NELL1: variants seen among roughly 807,000 people sequenced by gnomAD.
NELL1 encodes the protein protein kinase C-binding protein NELL1.
NELL1 carries 76 observed loss-of-function variants against 107.4 expected under a neutral mutation model. The observed-to-expected ratio is 0.71, with a 90% CI of 0.59 to 0.86. The LOEUF (loss-of-function observed/expected upper bound fraction) is 0.86. Ranked by LOEUF, NELL1 falls within the 40% of genes least tolerant of loss-of-function variation. The probability of loss-of-function intolerance (pLI) is 0.00; values close to 1 mark genes in which losing one functional copy is unlikely to be tolerated. For missense variants in NELL1, 1,024 were observed against 1,005.5 expected (o/e 1.02, Z -0.25); for synonymous variants, 353 against 341.2 (o/e 1.03, Z -0.38).
chr11:20,773,274 G>A (rs1353454811), intron 2 of NELL1, among the ~76,000 whole-genome samples: 1 of 152,112 alleles, frequency 6.6e-6, no homozygotes, highest in African/African-American at 2.4e-5. Context: ...ACAGGACCCA[G>A]GGCCTGTCCT....
intron 2 of NELL1, among the ~76,000 whole-genome samples, chr11:20,688,942 C>T (rs938235700): frequency 3.3e-5 from 5 of 152,076 alleles, no homozygotes; most frequent in South Asian, 2.1e-4. Flanking sequence ...TGTATTTTGA[C>T]TCTTTAGTAA....
rs79279186 is a variant in NELL1, at chr11:21,438,256, A to G, written c.1645+67308A>G. ...TTTACTGGTGCAGTATTCTTACATG[A>G]CAGTTTTTTTGTTTGTTTGTTTCTT... On this transcript the variant is annotated intron_variant, in intron 15 of 19. Coordinates refer to ENST00000357134, the MANE Select transcript of NELL1 (RefSeq NM_006157.5). Among the ~76,000 whole-genome samples, 2,745 of 125,138 alleles carry G rather than the reference A, an allele frequency of 0.022. 209 individuals are homozygous for G. In the East Asian group the frequency reaches 0.29, roughly 13 times the overall value. The allele number at this position is 125,138 out of a possible 152,430, so 82.1% of individuals were successfully genotyped here.
intron 4 of NELL1, among the ~76,000 whole-genome samples, chr11:20,877,476 T>C (rs554469542): frequency 2.4e-4 from 36 of 152,380 alleles, no homozygotes; most frequent in African/African-American, 8.4e-4. Context: ...ATAAGTAGTG[T>C]TGTTGAACCA....
At chr11:20,808,693 A>G (rs1379187268) in intron 3 of NELL1, among the ~76,000 whole-genome samples, 2 of 152,182 alleles carry the variant, frequency 1.3e-5, no homozygotes, top group African/African-American at 4.8e-5. Context: ...GATTCTGACC[A>G]TTGGGATTGG....
intron 13 of NELL1, among the ~76,000 whole-genome samples, chr11:21,137,597 G>A (rs903390837): frequency 6.6e-6 from 1 of 152,208 alleles, no homozygotes; most frequent in Non-Finnish European, 1.5e-5. Flanking sequence ...AAAACCTGAT[G>A]AAGACAGCAA....
At chr11:20,871,675 G>T (rs900594781) in intron 4 of NELL1, among the ~76,000 whole-genome samples, 1 of 151,642 alleles carries the variant, frequency 6.6e-6, no homozygotes, top group Non-Finnish European at 1.5e-5. Flanking sequence ...AAACTGTCCT[G>T]CAGAGGAAAA....
chr11:21,152,800 G>A (rs535492935), intron 13 of NELL1, among the ~76,000 whole-genome samples: 314 of 152,208 alleles, frequency 2.1e-3, no homozygotes, highest in African/African-American at 7.1e-3. Context: ...TCAGGATGGA[G>A]ATACTTCATC....
intron 13 of NELL1, among the ~76,000 whole-genome samples, chr11:21,214,847 G>A (rs1287131833): frequency 6.6e-6 from 1 of 152,128 alleles, no homozygotes; most frequent in African/African-American, 2.4e-5. Flanking sequence ...TGTGTTGGTG[G>A]TTTTGTGAAT....
At chr11:21,066,674 G>C (rs900584079) in intron 12 of NELL1, among the ~76,000 whole-genome samples, 5 of 152,162 alleles carry the variant, frequency 3.3e-5, no homozygotes, top group Admixed American at 3.3e-4. Flanking sequence ...TCCAGGTCCA[G>C]TGTGGTGGCT....
chr11:20,760,136 G>T (rs998733703), intron 2 of NELL1, among the ~76,000 whole-genome samples: 7 of 152,202 alleles, frequency 4.6e-5, no homozygotes, highest in African/African-American at 1.7e-4. Context: ...GGGTTGGGAG[G>T]TAGGTTGCTT....
intron 14 of NELL1, among the ~76,000 whole-genome samples, chr11:21,255,296 T>C (rs1299074460): frequency 6.6e-6 from 1 of 152,040 alleles, no homozygotes; most frequent in Non-Finnish European, 1.5e-5. Flanking sequence ...AATTTCTGTT[T>C]CCCAGGAAAG....
chr11:21,464,081 G>C (rs1231273911), intron 15 of NELL1, among the ~76,000 whole-genome samples: 1 of 152,034 alleles, frequency 6.6e-6, no homozygotes, highest in African/African-American at 2.4e-5. Context: ...AAATTCAAAT[G>C]TTCCAGTGAA....
At chr11:21,569,428 A>G (rs574313337) in intron 17 of NELL1, among the ~76,000 whole-genome samples, 3 of 151,764 alleles carry the variant, frequency 2.0e-5, no homozygotes, top group African/African-American at 7.2e-5. Flanking sequence ...TGCATGACAC[A>G]AGATAAGTAT....
Position 20,686,953 on chromosome 11 carries a change from A to G in NELL1, c.184+8893A>G, listed in dbSNP as rs370479505. ...TTCAGTTTTTTTTTTTTTTTAATAG[A>G]GGTTAGAGTAGAGGGGTCCCTTTTA... On this transcript the variant is annotated intron_variant, in intron 2 of 19. Transcript: ENST00000357134. Among the ~76,000 whole-genome samples, 16 of 147,934 alleles carry G rather than the reference A, an allele frequency of 1.1e-4. No individual in the cohort carries two copies. In the East Asian group the frequency reaches 3.2e-3, roughly 29 times the overall value.
At chr11:21,235,247 A>C (rs985311350) in intron 14 of NELL1, among the ~76,000 whole-genome samples, 2 of 152,196 alleles carry the variant, frequency 1.3e-5, no homozygotes, top group African/African-American at 4.8e-5. Context: ...GGCCAGGTCC[A>C]TCTGTAAAAA....
intron 3 of NELL1, among the ~76,000 whole-genome samples, chr11:20,812,317 T>A (rs1857518124): frequency 6.6e-6 from 1 of 152,220 alleles, no homozygotes; most frequent in Admixed American, 6.5e-5. Flanking sequence ...TCTTTTTTGA[T>A]GTACTGTTGC....
intron 14 of NELL1, among the ~76,000 whole-genome samples, chr11:21,271,245 G>T (rs1330298883): frequency 6.6e-6 from 1 of 152,078 alleles, no homozygotes; most frequent in Admixed American, 6.5e-5. Context: ...TGAACCTCCA[G>T]TCAGGCTAAG....
chr11:21,271,682 T>C (rs1848742351), intron 14 of NELL1, among the ~76,000 whole-genome samples: 1 of 152,098 alleles, frequency 6.6e-6, no homozygotes, highest in Admixed American at 6.5e-5. Context: ...AAAAGAAAAC[T>C]ATAGCCTGGT....
chr11:21,281,079 G>C (rs1217309126), intron 14 of NELL1, among the ~76,000 whole-genome samples: 1 of 151,472 alleles, frequency 6.6e-6, no homozygotes, highest in Non-Finnish European at 1.5e-5. Flanking sequence ...AGGGAAGAGT[G>C]GGGAGGACTT....
Sources: allele counts gnomAD v4.1 joint callset (sites outside exome capture counted in the v4.1 genomes callset), GRCh38; gene constraint gnomAD v4.1.1; transcripts MANE v1.5; gene names NCBI Gene and HGNC (gene_info 2026-07-23, HGNC 2026-07-21).